The following SCAF4 variants were observed in gnomAD, a reference collection of about 807,000 sequenced individuals.
SCAF4 encodes the protein SR-related and CTD-associated factor 4.
SCAF4 carries 25 observed loss-of-function variants against 129.8 expected under a neutral mutation model. The ratio of observed to expected loss-of-function variants is 0.19; its 90% confidence interval spans 0.14 to 0.27. The LOEUF is 0.27. Among genes scored for constraint, SCAF4 ranks in the 10% least tolerant of loss-of-function variants. The pLI is 1.00. For synonymous variants in SCAF4, 551 were observed against 497.7 expected, an observed-to-expected ratio of 1.11 and a Z score of -1.43; for missense variants, 1,246 against 1,457.1, an observed-to-expected ratio of 0.86 and a Z score of 2.36.
At chr21:31,688,606 T>A in intron 15 of SCAF4, 142 bp from the exon 16 acceptor site, 1 of 684,682 alleles carries the variant, frequency 1.5e-6, no homozygotes, top group Non-Finnish European at 2.5e-6. Context: ...AGTAATTATT[T>A]AAATTAACAA....
chr21:31,673,630 T>C (rs892135835), intron 19 of SCAF4, among the ~76,000 whole-genome samples: 1 of 152,172 alleles, frequency 6.6e-6, no homozygotes, highest in East Asian at 1.9e-4. Context: ...AATAAAACAC[T>C]CTTCACATCA....
At chr21:31,688,114 CAAAAAAA>C (rs61592268) in intron 16 of SCAF4, among the ~76,000 whole-genome samples, 186 bp downstream of exon 16, 255 of 10,848 alleles carry the variant, frequency 0.024, no homozygotes, top group East Asian at 0.074. Context: ...GACTCTGTCT[CAAAAAAA>C]AAAAAAAAAA....
intron 1 of SCAF4, among the ~76,000 whole-genome samples, chr21:31,713,854 C>A (rs925353605): frequency 1.3e-5 from 2 of 152,050 alleles, no homozygotes; most frequent in Non-Finnish European, 2.9e-5. Context: ...GAGTAGACAA[C>A]AGATTCAAAG....
chr21:31,712,949 C>T, intron 1 of SCAF4: 2 of 782,612 alleles, frequency 2.6e-6, no homozygotes. Context: ...TAACTCCTAC[C>T]CCCTCTCACA....
At chr21:31,719,590 C>T (rs945508973) in intron 1 of SCAF4, among the ~76,000 whole-genome samples, 2 of 152,066 alleles carry the variant, frequency 1.3e-5, no homozygotes, top group African/African-American at 2.4e-5. Flanking sequence ...CCACAACCTC[C>T]GCCTCCTGGG....
intron 1 of SCAF4, among the ~76,000 whole-genome samples, chr21:31,721,725 CTTTTTTT>C (rs1030749806): frequency 4.8e-5 from 6 of 125,450 alleles, no homozygotes; most frequent in East Asian, 2.4e-4. Flanking sequence ...AAGAGCAATT[CTTTTTTT>C]TTTTTTTTTT....
At chr21:31,680,640 A>T (rs1050024651) in intron 19 of SCAF4, among the ~76,000 whole-genome samples, 1 of 152,220 alleles carries the variant, frequency 6.6e-6, no homozygotes, top group Non-Finnish European at 1.5e-5. Context: ...ATTGTTTTTT[A>T]AAAAATTACG....
chr21:31,727,618 C>G (rs1340090222), intron 1 of SCAF4, among the ~76,000 whole-genome samples: 5 of 151,898 alleles, frequency 3.3e-5, no homozygotes, highest in African/African-American at 1.2e-4. Context: ...ATGGTGAAAC[C>G]CCGTCTCTAC....
chr21:31,682,465 A>G (rs774720600), intron 19 of SCAF4, among the ~76,000 whole-genome samples: 170 of 152,368 alleles, frequency 1.1e-3, no homozygotes, highest in Admixed American at 1.4e-3. Flanking sequence ...TAGAATTGCA[A>G]AAGATATTCT....
At chr21:31,701,959 A>G (rs2050543986) in intron 5 of SCAF4, 41 bp from the exon 6 acceptor site, 1 of 1,598,660 alleles carries the variant, frequency 6.3e-7, no homozygotes, top group South Asian at 1.1e-5. Flanking sequence ...AAAAAAGTTA[A>G]CCTACAAGTT....
In SCAF4 at chr21:31,726,149, C is replaced by CAGAG. The variant is rs2051198614; in HGVS notation, c.30+5513_30+5514insCTCT. Among the ~76,000 whole-genome samples, 9 of 151,968 alleles carry CAGAG rather than the reference C, an allele frequency of 5.9e-5. No homozygotes were observed. In the South Asian group the frequency reaches 1.9e-3, roughly 32 times the overall value. On this transcript the variant is annotated intron_variant, in intron 1 of 19. Coordinates refer to ENST00000286835, the MANE Select transcript of SCAF4 (RefSeq NM_020706.2). ...CAAGCTCCGCCTCCCGGGTTCACACCATTCTCCTGCCTCAGCCTCCCAAGT... is the reference window on the plus strand; with the variant it reads ...CAAGCTCCGCCTCCCGGGTTCACACCAGAGATTCTCCTGCCTCAGCCTCCCAAGT...
chr21:31,706,395 C>T, intron 1 of SCAF4, 38 bp from the exon 2 acceptor site: 1 of 1,376,604 alleles, frequency 7.3e-7, no homozygotes, highest in South Asian at 1.2e-5. Flanking sequence ...TAAAGTTTAA[C>T]TATTTGGCTA....
At chr21:31,709,361 A>AAAAAAG (rs549879115) in intron 1 of SCAF4, among the ~76,000 whole-genome samples, 19 of 151,418 alleles carry the variant, frequency 1.3e-4, no homozygotes, top group African/African-American at 3.2e-4. Context: ...AAAAAAAAAA[A>AAAAAAG]AAAGAAAGAA....
At position 31,671,138 on chromosome 21, in the gene SCAF4, C is replaced by A; in HGVS notation, c.*261G>T. 2 of 331,214 alleles carry A rather than the reference C, an allele frequency of 6.0e-6. No individual in the cohort carries two copies. Among genetic ancestry groups the A allele is most frequent in the Non-Finnish European group, 1.1e-5 (2 of 185,154 alleles). 20.5% of individuals were successfully genotyped at this position (331,214 alleles called of 1,614,324 possible). ...AAAAAAAAAAAAATAGAGAGCACTTCTAATTACGATTTGTAAACTTTTTAA... is the reference window on the plus strand; with the variant it reads ...AAAAAAAAAAAAATAGAGAGCACTTATAATTACGATTTGTAAACTTTTTAA... On this transcript the variant is annotated 3_prime_UTR_variant, in exon 20 of 20. Transcript: ENST00000286835.
At chr21:31,706,443 T>C (rs1043616828) in intron 1 of SCAF4, 86 bp from the exon 2 acceptor site, 6 of 879,230 alleles carry the variant, frequency 6.8e-6, no homozygotes, top group Non-Finnish European at 1.1e-5. Context: ...ACATCACCAC[T>C]TGGAAAATAC....
intron 4 of SCAF4, 124 bp from the exon 5 acceptor site, chr21:31,702,503 AC>A: frequency 2.3e-6 from 2 of 868,284 alleles, no homozygotes; most frequent in Non-Finnish European, 3.5e-6. Flanking sequence ...TGTTTCATAA[AC>A]AAGGAAAAAA....
Position 31,701,771 on chromosome 21 carries a change from T to A in SCAF4, c.600+5A>T. 1 of 1,604,402 alleles carries A rather than the reference T, an allele frequency of 6.2e-7. No individual in the cohort carries two copies. Reference sequence around the variant, plus strand: ...AACAATTTCACTTTTGAGTAGACAGTTTACCTGTTGGCCTTGAGTTGTCTG... The same window carrying A: ...AACAATTTCACTTTTGAGTAGACAGATTACCTGTTGGCCTTGAGTTGTCTG... On this transcript the variant is annotated splice_donor_5th_base_variant and intron_variant, in intron 6 of 19. Transcript: ENST00000286835.
At chr21:31,716,555 C>T (rs920442086) in intron 1 of SCAF4, among the ~76,000 whole-genome samples, 4 of 152,106 alleles carry the variant, frequency 2.6e-5, no homozygotes, top group South Asian at 2.1e-4. Context: ...TTATTAGCAA[C>T]ACATAGACAC....
Position 31,672,073 on chromosome 21 carries a change from G to A in SCAF4, c.2770C>T (p.Leu924Phe). Residue 924 changes from leucine to phenylalanine, a missense_variant, in exon 20 of 20, where the codon CTC becomes TTC. Leu to Phe is a conservative substitution (Grantham distance 22). This residue lies in a region of SCAF4 where 339 missense variants were observed against 325.0 expected (regional missense o/e 1.04). Coordinates refer to ENST00000286835, the MANE Select transcript of SCAF4 (RefSeq NM_020706.2). ...PFVRPGGMPGLGGPGPGPGGP... is the reference protein window; with the variant it reads ...PFVRPGGMPGFGGPGPGPGGP... Reference sequence around the variant, plus strand: ...CCTGGGCCTGGCCCTGGGCCCCCGAGCCCTGGCATTCCACCAGGCCTAACA... The same window carrying A: ...CCTGGGCCTGGCCCTGGGCCCCCGAACCCTGGCATTCCACCAGGCCTAACA... 1 of 1,613,418 alleles carries A rather than the reference G, an allele frequency of 6.2e-7. No homozygotes were observed. Among genetic ancestry groups the A allele is most frequent in the Admixed American group, 1.7e-5 (1 of 59,992 alleles).
Sources: gnomAD v4.1 joint callset for allele counts (sites outside exome capture counted in the v4.1 genomes callset) on GRCh38, gnomAD v4.1.1 for gene constraint, gnomAD v4.1.1 regional missense constraint, MANE v1.5 for transcripts, NCBI Gene and HGNC (gene_info 2026-07-23, HGNC 2026-07-21) for gene names.